CAMTA1: variants seen among roughly 807,000 people sequenced by gnomAD.
The protein encoded by CAMTA1 is calmodulin binding transcription activator 1, also known as calmodulin-binding transcription activator 1.
In CAMTA1, 27 loss-of-function variants were observed where a neutral mutation model predicts 170.9. That is an observed-to-expected ratio of 0.16 (90% CI 0.12 to 0.22). CAMTA1 has a LOEUF of 0.22. Among genes scored for constraint, CAMTA1 ranks in the 10% least tolerant of loss-of-function variants. The pLI is 1.00. For synonymous variants in CAMTA1, 833 were observed against 891.5 expected (o/e 0.93, Z 1.17); for missense variants, 1,619 against 2,217.2 (o/e 0.73, Z 5.42).
intron 6 of CAMTA1, among the ~76,000 whole-genome samples, chr1:7,608,332 A>G (rs1048640982): frequency 2.0e-5 from 3 of 152,206 alleles, no homozygotes; most frequent in South Asian, 2.1e-4. Context: ...GGAAGCCCCT[A>G]CAGAGACAAA....
chr1:6,852,323 C>G (rs1660717682), intron 3 of CAMTA1, among the ~76,000 whole-genome samples: 1 of 152,064 alleles, frequency 6.6e-6, no homozygotes, highest in Admixed American at 6.5e-5. Context: ...GGGTTTTTTT[C>G]ATACCAACCA....
intron 1 of CAMTA1, among the ~76,000 whole-genome samples, chr1:6,819,554 G>A (rs546281921): frequency 5.3e-5 from 8 of 152,140 alleles, no homozygotes; most frequent in Admixed American, 1.3e-4. Context: ...ATATGACATT[G>A]GTTCTTAGCA....
intron 4 of CAMTA1, among the ~76,000 whole-genome samples, chr1:7,151,551 C>T (rs998888067): frequency 6.6e-6 from 1 of 152,190 alleles, no homozygotes; most frequent in Non-Finnish European, 1.5e-5. Context: ...TTTCTTGGCA[C>T]AGCATCTAAG....
intron 4 of CAMTA1, among the ~76,000 whole-genome samples, chr1:7,200,918 C>T (rs1294386399): frequency 1.3e-5 from 2 of 152,128 alleles, no homozygotes. Flanking sequence ...ACGTGCTGTA[C>T]AAGTCACCAT....
chr1:7,344,319 T>C (rs888687612), intron 5 of CAMTA1, among the ~76,000 whole-genome samples: 2 of 152,148 alleles, frequency 1.3e-5, no homozygotes, highest in African/African-American at 4.8e-5. Context: ...CCAGTGGAAG[T>C]TACAGGCTTC....
chr1:6,962,838 A>C (rs1264547463), intron 3 of CAMTA1, among the ~76,000 whole-genome samples: 429 of 21,704 alleles, frequency 0.02, no homozygotes, highest in Admixed American at 0.037. Context: ...GGCCCCACCC[A>C]CTCCCCTGCT....
intron 5 of CAMTA1, chr1:7,370,061 G>C (rs1046625160): frequency 6.6e-6 from 1 of 152,298 alleles, no homozygotes; most frequent in African/African-American, 2.4e-5. Flanking sequence ...CTTACATCAC[G>C]GCACTTCTCT....
chr1:7,649,974 T>G (rs907084304), intron 7 of CAMTA1, among the ~76,000 whole-genome samples: 1 of 152,184 alleles, frequency 6.6e-6, no homozygotes, highest in Non-Finnish European at 1.5e-5. Context: ...GCCAGGTAGT[T>G]GGGAGCTCAG....
At chr1:7,263,989 A>T (rs1668537838) in intron 5 of CAMTA1, among the ~76,000 whole-genome samples, 1 of 152,114 alleles carries the variant, frequency 6.6e-6, no homozygotes, top group African/African-American at 2.4e-5. Context: ...TATATGTTAG[A>T]TATGAGGGGA....
intron 1 of CAMTA1, among the ~76,000 whole-genome samples, chr1:6,802,740 CTTT>C (rs575213311): frequency 6.9e-6 from 1 of 145,432 alleles, no homozygotes. Context: ...CTCTCTCTCT[CTTT>C]TTTTTTTTTG....
chr1:7,211,375 T>C (rs1305555696), intron 4 of CAMTA1, among the ~76,000 whole-genome samples: 6 of 152,342 alleles, frequency 3.9e-5, no homozygotes, highest in Admixed American at 3.9e-4. Context: ...TTCAGAAAGT[T>C]CTTTCATGTT....
At chr1:7,762,358 G>T (rs976740500) in intron 22 of CAMTA1, among the ~76,000 whole-genome samples, 1 of 152,062 alleles carries the variant, frequency 6.6e-6, no homozygotes, top group Non-Finnish European at 1.5e-5. Context: ...TAATAACAAG[G>T]TGATCATAAA....
intron 6 of CAMTA1, among the ~76,000 whole-genome samples, chr1:7,499,223 GTA>G (rs1235251664): frequency 3.0e-5 from 4 of 133,872 alleles, no homozygotes; most frequent in Non-Finnish European, 6.4e-5. Flanking sequence ...GCATGTGTAT[GTA>G]TATGAGTGTG....
intron 22 of CAMTA1, among the ~76,000 whole-genome samples, chr1:7,760,676 CCTCT>C (rs897746450): frequency 1.3e-5 from 2 of 152,142 alleles, no homozygotes; most frequent in African/African-American, 2.4e-5. Context: ...TCTTATTGGG[CCTCT>C]CTGTCTTTTT....
intron 4 of CAMTA1, among the ~76,000 whole-genome samples, chr1:7,150,341 G>T (rs1317000912): frequency 1.3e-5 from 2 of 152,196 alleles, no homozygotes; most frequent in African/African-American, 4.8e-5. Flanking sequence ...TCCAACTGGA[G>T]GAAGTCAGAA....
chr1:7,670,163 C>A (rs2096045594), intron 9 of CAMTA1, among the ~76,000 whole-genome samples: 1 of 152,298 alleles, frequency 6.6e-6, no homozygotes, highest in Middle Eastern at 3.4e-3. Flanking sequence ...TTGTGGGACC[C>A]CAGGCTAGCT....
Position 6,898,772 on chromosome 1 carries a change from A to G in CAMTA1, c.234+73562A>G, listed in dbSNP as rs1385658930. Among the ~76,000 whole-genome samples, 5 of 152,228 alleles carry G rather than the reference A, an allele frequency of 3.3e-5. No individual in the cohort carries two copies. The South Asian group carries it at 8.3e-4, about 25-fold the overall frequency. Reference sequence around the variant, plus strand: ...CTCAAATGAGCTTTGCTTTGCTTCAACTGGCCTAACTCAGCAGGCCCAGCT... The same window carrying G: ...CTCAAATGAGCTTTGCTTTGCTTCAGCTGGCCTAACTCAGCAGGCCCAGCT... On this transcript the variant is annotated intron_variant, in intron 3 of 22. Transcript: ENST00000303635.
chr1:7,458,947 A>G (rs1367627425), intron 5 of CAMTA1, among the ~76,000 whole-genome samples: 1 of 152,256 alleles, frequency 6.6e-6, no homozygotes, highest in Non-Finnish European at 1.5e-5. Context: ...CTGAGGCGCC[A>G]TGCTTTTGCA....
intron 3 of CAMTA1, among the ~76,000 whole-genome samples, chr1:6,922,139 G>GT (rs543204663): frequency 2.6e-4 from 39 of 152,210 alleles, no homozygotes; most frequent in South Asian, 1.0e-3. Context: ...CACTATACCT[G>GT]TTTTTTTAAC....
Sources: gnomAD v4.1 joint callset for allele counts (sites outside exome capture counted in the v4.1 genomes callset) on GRCh38, gnomAD v4.1.1 for gene constraint, MANE v1.5 for transcripts, NCBI Gene and HGNC (gene_info 2026-07-23, HGNC 2026-07-21) for gene names.